DEAF1: variants seen among roughly 807,000 people sequenced by gnomAD.
The protein encoded by DEAF1 is deformed epidermal autoregulatory factor 1 homolog.
DEAF1 carries 53 observed loss-of-function variants against 58.9 expected under a neutral mutation model. The observed-to-expected ratio is 0.90, with a 90% CI of 0.72 to 1.13. The LOEUF (loss-of-function observed/expected upper bound fraction) is 1.13, where lower values mean the gene tolerates loss of function less well. Ranked by LOEUF, DEAF1 falls within the 50% of genes most tolerant of loss-of-function variation. The probability of loss-of-function intolerance (pLI) is 0.00; values close to 1 mark genes in which losing one functional copy is unlikely to be tolerated. For synonymous variants in DEAF1, 385 were observed against 340.4 expected (o/e 1.13, Z -1.44); for missense variants, 685 against 791.4 (o/e 0.87, Z 1.61).
chr11:649,403 CAGAG>C (rs1248519447), intron 11 of DEAF1, among the ~76,000 whole-genome samples: 3 of 146,726 alleles, frequency 2.0e-5, no homozygotes, highest in East Asian at 4.2e-4. Flanking sequence ...GCCTGGGTGA[CAGAG>C]AGAGACCCCA....
intron 6 of DEAF1, 61 bp downstream of exon 6, chr11:684,837 A>G: frequency 7.1e-7 from 1 of 1,410,930 alleles, no homozygotes; most frequent in Non-Finnish European, 9.8e-7. Context: ...GGGCTGTGGG[A>G]CCCACTCAGC....
At chr11:646,785 A>C (rs1307233024) in intron 11 of DEAF1, among the ~76,000 whole-genome samples, 1 of 152,240 alleles carries the variant, frequency 6.6e-6, no homozygotes, top group African/African-American at 2.4e-5. Flanking sequence ...AAAAGCCAGA[A>C]TTAGAAGTTA....
intron 10 of DEAF1, among the ~76,000 whole-genome samples, chr11:673,275 C>A (rs1859910677): frequency 6.6e-6 from 1 of 152,112 alleles, no homozygotes; most frequent in African/African-American, 2.4e-5. Context: ...ATCTGCAATC[C>A]CAGTACTTTA....
chr11:666,894 A>G (rs975004891), intron 10 of DEAF1, among the ~76,000 whole-genome samples: 3 of 151,240 alleles, frequency 2.0e-5, no homozygotes, highest in Non-Finnish European at 2.9e-5. Flanking sequence ...AAAAAAAAAA[A>G]AAAGAAAAAA....
intron 10 of DEAF1, chr11:654,505 C>T: frequency 2.2e-6 from 1 of 455,394 alleles, no homozygotes; most frequent in Non-Finnish European, 4.4e-6. Context: ...CAGTGCTGCT[C>T]AGAACGTTCT....
upstream of DEAF1, chr11:695,694 C>T: frequency 1.6e-6 from 2 of 1,242,978 alleles, no homozygotes; most frequent in Non-Finnish European, 2.0e-6. Context: ...TCGGCCGTGG[C>T]TCGGACGTCC....
At chr11:655,272 G>A (rs1354047137) in intron 10 of DEAF1, among the ~76,000 whole-genome samples, 3 of 152,194 alleles carry the variant, frequency 2.0e-5, no homozygotes, top group Non-Finnish European at 2.9e-5. Flanking sequence ...ACACCCCCAC[G>A]GCCCCACCTG....
At chr11:664,135 C>A (rs992907153) in intron 10 of DEAF1, among the ~76,000 whole-genome samples, 1 of 152,068 alleles carries the variant, frequency 6.6e-6, no homozygotes, top group Non-Finnish European at 1.5e-5. Context: ...ATCCCTTGAA[C>A]CCAGGAGGCA....
At chr11:664,501 C>T (rs2133330447) in intron 10 of DEAF1, among the ~76,000 whole-genome samples, 3 of 47,112 alleles carry the variant, frequency 6.4e-5, no homozygotes, top group South Asian at 1.0e-3. Context: ...AGGAGGAGGA[C>T]AGGGCGTCAC....
intron 1 of DEAF1, chr11:703,856 C>T: frequency 1.6e-6 from 2 of 1,236,402 alleles, no homozygotes; most frequent in Non-Finnish European, 2.0e-6. Flanking sequence ...GGAGAGAGAG[C>T]AGCGGAGGGC....
At chr11:676,191 C>T (rs1314675812) in intron 9 of DEAF1, among the ~76,000 whole-genome samples, 1 of 54,150 alleles carries the variant, frequency 1.8e-5, no homozygotes, top group Non-Finnish European at 3.7e-5. Context: ...CCTGACATCC[C>T]CCAGCACTCA....
Position 700,844 on chromosome 11 carries a change from A to T in DEAF1, c.-438+5728T>A, listed in dbSNP as rs1418648554. ...CAAACTGCTTACCCAGTTGCTTTGC[A>T]GGCTCACCTTACAGTGTCATTAAGT... On this transcript the variant is annotated intron_variant, in intron 1 of 11. Transcript: ENST00000683307. The T allele has an allele frequency of 3.7e-6, 3 of 819,674 alleles. No homozygotes were observed. The African/African-American group carries it at 5.1e-5, about 14-fold the overall frequency. 50.8% of individuals were successfully genotyped at this position (819,674 alleles called of 1,614,324 possible).
intron 9 of DEAF1, among the ~76,000 whole-genome samples, chr11:675,245 G>A (rs976003259): frequency 6.6e-6 from 1 of 152,144 alleles, no homozygotes; most frequent in Non-Finnish European, 1.5e-5. Flanking sequence ...ATCACCCGGT[G>A]CAGTGGCTCA....
intron 5 of DEAF1, 51 bp downstream of exon 5, chr11:686,807 G>A (rs1393015199): frequency 6.2e-7 from 1 of 1,612,102 alleles, no homozygotes; most frequent in Admixed American, 1.7e-5. Context: ...CGCCTCAGAG[G>A]GCCCCACGTC....
At chr11:685,070 A>C in intron 5 of DEAF1, 107 bp from the exon 6 acceptor site, 4 of 860,606 alleles carry the variant, frequency 4.6e-6, no homozygotes, top group Non-Finnish European at 5.4e-6. Context: ...ACCATTCATA[A>C]ATATAAAAAT....
rs1564918487 is a variant in DEAF1, at chr11:644,656, TGGAA to T, written c.1594-6_1594-3del. On this transcript the variant is annotated splice_polypyrimidine_tract_variant and splice_region_variant and intron_variant, in intron 11 of 11. Coordinates refer to ENST00000382409, the MANE Select transcript of DEAF1 (RefSeq NM_021008.4). This position sits in a 1 kb window ranked among gnomAD's most constrained non-coding sequence, Gnocchi z 4.3. ...TATGTGCTGGTGATCCTTCCAGTCC[TGGAA>T]GGGAGGACACACCCATGTCAGCAGG... 1.2e-6 allele frequency: 2 copies of T among 1,606,252 alleles called. No individual in the cohort carries two copies. Among genetic ancestry groups the T allele is most frequent in the Admixed American group, 1.7e-5 (1 of 59,346 alleles).
chr11:670,747 C>CG (rs1342036962), intron 10 of DEAF1, among the ~76,000 whole-genome samples: 1 of 140,954 alleles, frequency 7.1e-6, no homozygotes, highest in East Asian at 2.1e-4. Flanking sequence ...TATTTTTTTC[C>CG]TTTTTAATTT....
chr11:679,727 CTGATA>C lies in DEAF1; in HGVS notation c.1082_1086del (p.Ile361ArgfsTer29), dbSNP rs1860258814. ...AAGACGTCGCCCTGGGCCGGACTCT[CTGATA>C]TGACAGCAGTGGCCTCTACCGTGGA... is the stretch of plus-strand genomic sequence containing the variant. On this transcript the variant is annotated frameshift_variant, in exon 8 of 12. Coordinates refer to ENST00000382409, the MANE Select transcript of DEAF1 (RefSeq NM_021008.4). LOFTEE classifies it high-confidence loss of function. 1 of 1,613,778 alleles carries C rather than the reference CTGATA, an allele frequency of 6.2e-7. No homozygotes were observed. Among genetic ancestry groups the C allele is most frequent in the Non-Finnish European group, 8.5e-7 (1 of 1,180,056 alleles).
intron 10 of DEAF1, among the ~76,000 whole-genome samples, chr11:655,265 C>T (rs897123166): frequency 6.6e-6 from 1 of 152,212 alleles, no homozygotes; most frequent in Non-Finnish European, 1.5e-5. Context: ...CCAGCCAACA[C>T]CCCCACGGCC....
Sources: allele counts gnomAD v4.1 joint callset (sites outside exome capture counted in the v4.1 genomes callset), GRCh38; gene constraint gnomAD v4.1.1; non-coding constraint Gnocchi (gnomAD v3.1); transcripts MANE v1.5; gene names NCBI Gene and HGNC (gene_info 2026-07-23, HGNC 2026-07-21).